The following ZNF609 variants were observed in gnomAD, a reference collection of about 807,000 sequenced individuals.
The protein encoded by ZNF609 is zinc finger protein 609.
A neutral mutation model predicts 109.5 loss-of-function variants in ZNF609; 11 were observed. The ratio of observed to expected loss-of-function variants is 0.10; its 90% CI spans 0.06 to 0.17. The LOEUF (loss-of-function observed/expected upper bound fraction) is 0.17, where lower values mean the gene tolerates loss of function less well. Among genes scored for constraint, ZNF609 ranks in the 10% least tolerant of loss-of-function variants. The pLI is 1.00. For missense variants in ZNF609, 1,559 were observed against 1,772.4 expected (o/e 0.88, Z 2.16); for synonymous variants, 646 against 662.0 (o/e 0.98, Z 0.37).
chr15:64,638,764 A>T (rs192514435), intron 3 of ZNF609, among the ~76,000 whole-genome samples: 35 of 152,210 alleles, frequency 2.3e-4, no homozygotes, highest in African/African-American at 8.2e-4. Flanking sequence ...GCTTGGTTGC[A>T]AGCGCCTGTG....
chr15:64,485,520 G>T (rs1893319138), intron 1 of ZNF609, among the ~76,000 whole-genome samples: 1 of 152,188 alleles, frequency 6.6e-6, no homozygotes, highest in Non-Finnish European at 1.5e-5. Flanking sequence ...TAATGCAGTG[G>T]GGTTGGGTGC....
intron 2 of ZNF609, among the ~76,000 whole-genome samples, chr15:64,616,017 A>T (rs1895793258): frequency 6.6e-6 from 1 of 152,076 alleles, no homozygotes; most frequent in African/African-American, 2.4e-5. Flanking sequence ...TATCTCTTCA[A>T]TGAATTTCTT....
At chr15:64,552,375 T>C (rs917993844) in intron 2 of ZNF609, among the ~76,000 whole-genome samples, 4 of 152,170 alleles carry the variant, frequency 2.6e-5, no homozygotes, top group African/African-American at 9.6e-5. Flanking sequence ...GTTGTTGTTT[T>C]GGTTTTTTGT....
At chr15:64,528,930 A>G (rs1894012711) in intron 2 of ZNF609, 1 of 1,248,578 alleles carries the variant, frequency 8.0e-7, no homozygotes, top group Non-Finnish European at 1.2e-6. Flanking sequence ...GTTTTTCCAG[A>G]CGACAGGTCA....
At chr15:64,616,575 A>G (rs1441098051) in intron 2 of ZNF609, among the ~76,000 whole-genome samples, 2 of 128,552 alleles carry the variant, frequency 1.6e-5, no homozygotes, top group Admixed American at 9.7e-5. Context: ...GCTGGAGTGC[A>G]GTGGCGTGAT....
At chr15:64,615,115 C>A (rs1390557468) in intron 2 of ZNF609, among the ~76,000 whole-genome samples, 2 of 151,796 alleles carry the variant, frequency 1.3e-5, no homozygotes, top group African/African-American at 4.8e-5. Flanking sequence ...CCAGGCCTGG[C>A]CTGTTTTGTT....
At chr15:64,573,623 A>G (rs1042555790) in intron 2 of ZNF609, among the ~76,000 whole-genome samples, 3 of 151,626 alleles carry the variant, frequency 2.0e-5, no homozygotes, top group Non-Finnish European at 4.4e-5. Flanking sequence ...TCGGCCTCCC[A>G]AAATGCTGGG....
chr15:64,493,345 A>G (rs1484565588), intron 1 of ZNF609, among the ~76,000 whole-genome samples: 2 of 152,144 alleles, frequency 1.3e-5, no homozygotes, highest in Non-Finnish European at 2.9e-5. Context: ...CCTGAGGTAG[A>G]AGAGTTGTAT....
intron 3 of ZNF609, among the ~76,000 whole-genome samples, chr15:64,633,650 G>A (rs1301882160): frequency 1.3e-5 from 2 of 152,184 alleles, no homozygotes; most frequent in African/African-American, 4.8e-5. Flanking sequence ...GCCCTACAGT[G>A]GCAGAGTTGA....
At chr15:64,593,749 C>T (rs1235788117) in intron 2 of ZNF609, among the ~76,000 whole-genome samples, 1 of 152,164 alleles carries the variant, frequency 6.6e-6, no homozygotes, top group Non-Finnish European at 1.5e-5. Context: ...AGGCTGGTCT[C>T]AAACTCCTAG....
chr15:64,515,529 C>T (rs947023086), intron 2 of ZNF609, among the ~76,000 whole-genome samples: 2 of 152,098 alleles, frequency 1.3e-5, no homozygotes, highest in African/African-American at 2.4e-5. Context: ...TTGGTATTTG[C>T]CCCTCAGCCT....
intron 3 of ZNF609, among the ~76,000 whole-genome samples, chr15:64,670,025 C>T (rs1420775567): frequency 1.3e-5 from 2 of 152,172 alleles, no homozygotes; most frequent in Non-Finnish European, 2.9e-5. Flanking sequence ...ATCCCAGCTA[C>T]TTGGGAGACT....
chr15:64,553,180 T>G (rs1237896127), intron 2 of ZNF609, among the ~76,000 whole-genome samples: 1 of 152,108 alleles, frequency 6.6e-6, no homozygotes, highest in African/African-American at 2.4e-5. Context: ...AGTCATATGA[T>G]TTAAATCTTT....
At chr15:64,652,387 A>AT (rs1896431180) in intron 3 of ZNF609, among the ~76,000 whole-genome samples, 1 of 62,794 alleles carries the variant, frequency 1.6e-5, no homozygotes, top group African/African-American at 3.8e-5. Flanking sequence ...ATGCCTGGCT[A>AT]ATTTTTTTTT....
chr15:64,590,169 G>A (rs1378422448), intron 2 of ZNF609, among the ~76,000 whole-genome samples: 1 of 152,100 alleles, frequency 6.6e-6, no homozygotes, highest in Non-Finnish European at 1.5e-5. Context: ...AGGAAATCTA[G>A]CCTTTTATTG....
In ZNF609 at chr15:64,680,374, A is replaced by T; in HGVS notation, c.3945+14A>T. The T allele has an allele frequency of 6.2e-7, 1 of 1,612,380 alleles. No homozygotes were observed. The highest frequency in any genetic ancestry group is 1.1e-5 in the South Asian group (1 of 91,060). ...AAGTCTCCCACGGTAAGAAAAGTACAGTGATGCTGGCTGTTACCCAAAGAC... is the reference window on the plus strand; with the variant it reads ...AAGTCTCCCACGGTAAGAAAAGTACTGTGATGCTGGCTGTTACCCAAAGAC... On this transcript the variant is annotated intron_variant, in intron 7 of 9. Coordinates refer to ENST00000326648, the MANE Select transcript of ZNF609 (RefSeq NM_015042.2).
At chr15:64,599,165 G>A (rs1836043458) in intron 2 of ZNF609, among the ~76,000 whole-genome samples, 1 of 115,862 alleles carries the variant, frequency 8.6e-6, no homozygotes, top group South Asian at 2.8e-4. Flanking sequence ...TTATTTTGTG[G>A]TGGTTTTTTT....
At chr15:64,669,220 C>T (rs1308336539) in intron 3 of ZNF609, among the ~76,000 whole-genome samples, 2 of 152,130 alleles carry the variant, frequency 1.3e-5, no homozygotes, top group Non-Finnish European at 2.9e-5. Flanking sequence ...TACAGGAATT[C>T]ATCTTACAGA....
intron 2 of ZNF609, among the ~76,000 whole-genome samples, chr15:64,534,013 CTTT>C (rs530096798): frequency 1.4e-5 from 2 of 142,470 alleles, no homozygotes; most frequent in African/African-American, 2.6e-5. Context: ...TGTTATTAAC[CTTT>C]TTTTTTTTTT....
Sources: gnomAD v4.1 joint callset for allele counts (sites outside exome capture counted in the v4.1 genomes callset) on GRCh38, gnomAD v4.1.1 for gene constraint, MANE v1.5 for transcripts, NCBI Gene and HGNC (gene_info 2026-07-23, HGNC 2026-07-21) for gene names.